CSMD2: variants seen among roughly 807,000 people sequenced by gnomAD.
CSMD2 encodes the protein CUB and sushi domain-containing protein 2.
In CSMD2, 130 loss-of-function variants were observed where a neutral mutation model predicts 398.5. The observed-to-expected ratio is 0.33, with a 90% confidence interval of 0.28 to 0.38. The LOEUF is 0.38. Ranked by LOEUF, CSMD2 falls within the 10% of genes least tolerant of loss-of-function variation. The pLI is 1.00. For missense variants in CSMD2, 3,829 were observed against 4,764.9 expected, an observed-to-expected ratio of 0.80 and a Z score of 5.78; for synonymous variants, 1,828 against 1,908.5, an observed-to-expected ratio of 0.96 and a Z score of 1.10.
intron 22 of CSMD2, among the ~76,000 whole-genome samples, chr1:33,701,913 G>A (rs906159946): frequency 1.3e-5 from 2 of 152,192 alleles, no homozygotes; most frequent in Admixed American, 6.5e-5. Context: ...ATCAATTGCA[G>A]TAAGAAAGAC....
At chr1:33,917,024 C>A (rs1020339665) in intron 5 of CSMD2, among the ~76,000 whole-genome samples, 2 of 152,162 alleles carry the variant, frequency 1.3e-5, no homozygotes, top group African/African-American at 4.8e-5. Flanking sequence ...CACCCACTTT[C>A]TGCTCCGCTC....
chr1:33,983,594 T>C (rs1388306312), intron 3 of CSMD2, among the ~76,000 whole-genome samples: 1 of 152,148 alleles, frequency 6.6e-6, no homozygotes, highest in Admixed American at 6.5e-5. Context: ...AGCAGAAGGA[T>C]GTCTCGGTGG....
intron 2 of CSMD2, among the ~76,000 whole-genome samples, chr1:34,046,095 G>A (rs1652489670): frequency 6.6e-6 from 1 of 152,220 alleles, no homozygotes; most frequent in African/African-American, 2.4e-5. Flanking sequence ...CAATTTCAGT[G>A]TAAAGCTACC....
At chr1:33,574,801 A>G (rs1420575901) in intron 49 of CSMD2, among the ~76,000 whole-genome samples, 1 of 152,244 alleles carries the variant, frequency 6.6e-6, no homozygotes, top group Non-Finnish European at 1.5e-5. Context: ...CTTAATGACT[A>G]ATCAGAAAGG....
chr1:34,095,914 G>A (rs536124089), intron 1 of CSMD2, among the ~76,000 whole-genome samples: 1,784 of 152,016 alleles, frequency 0.012, 32 homozygotes, highest in African/African-American at 0.039. Flanking sequence ...ATTTTATGAG[G>A]CCAGCATCAT....
At chr1:33,932,481 G>T (rs1570548250) in intron 4 of CSMD2, among the ~76,000 whole-genome samples, 2 of 152,282 alleles carry the variant, frequency 1.3e-5, no homozygotes, top group Admixed American at 1.3e-4. Flanking sequence ...AGAGAGTCGT[G>T]CCACCAAAAG....
intron 3 of CSMD2, among the ~76,000 whole-genome samples, chr1:34,031,679 C>T (rs1650444989): frequency 7.0e-6 from 1 of 142,630 alleles, no homozygotes. Context: ...CTGGCCAAGA[C>T]AGGGAGTGTC....
chr1:33,730,411 C>A (rs780452588), intron 15 of CSMD2, among the ~76,000 whole-genome samples: 1 of 152,042 alleles, frequency 6.6e-6, no homozygotes, highest in Non-Finnish European at 1.5e-5. Context: ...AGCTTTGGAA[C>A]TATGTAAATA....
intron 1 of CSMD2, among the ~76,000 whole-genome samples, chr1:34,159,955 C>G (rs1409443125): frequency 1.3e-5 from 2 of 152,192 alleles, no homozygotes; most frequent in African/African-American, 2.4e-5. Flanking sequence ...AATTACTTGT[C>G]CTTTTTACAG....
intron 5 of CSMD2, chr1:33,870,885 T>G (rs1170181058): frequency 6.6e-6 from 1 of 152,212 alleles, no homozygotes; most frequent in African/African-American, 2.4e-5. Flanking sequence ...ACTGACATGC[T>G]GAAAGCTGCC....
intron 47 of CSMD2, 136 bp from the exon 48 acceptor site, chr1:33,581,035 GCATCCACAGGCATTGCTCAAGGTGCT>G: frequency 1.3e-6 from 1 of 760,532 alleles, no homozygotes; most frequent in South Asian, 1.9e-5. Context: ...TCCTCTCTCT[GCATCCACAGGCATTGCTCAAGGTGCT>G]CTTTTCTCCT....
intron 5 of CSMD2, among the ~76,000 whole-genome samples, chr1:33,907,285 ATT>A (rs565058113): frequency 5.0e-5 from 7 of 140,922 alleles, no homozygotes; most frequent in Admixed American, 7.1e-5. Context: ...CGCCCAGCTA[ATT>A]TTTTTTTTTT....
chr1:33,709,781 G>GC (rs1645923985), intron 21 of CSMD2, among the ~76,000 whole-genome samples: 1 of 152,068 alleles, frequency 6.6e-6, no homozygotes, highest in Admixed American at 6.6e-5. Context: ...GTCATTAGTC[G>GC]CAACAGCCAG....
intron 15 of CSMD2, among the ~76,000 whole-genome samples, chr1:33,730,413 A>C (rs1376790134): frequency 6.6e-6 from 1 of 152,228 alleles, no homozygotes; most frequent in Admixed American, 6.5e-5. Context: ...CTTTGGAACT[A>C]TGTAAATATT....
Position 33,863,848 on chromosome 1 carries a change from A to T in CSMD2, c.921-16852T>A, listed in dbSNP as rs376191383. Reference sequence around the variant, plus strand: ...CCACTGCCTCCAGGAAGCCAAGGAGAATTATTTCTGGGGGACATAGCTGCC... The same window carrying T: ...CCACTGCCTCCAGGAAGCCAAGGAGTATTATTTCTGGGGGACATAGCTGCC... On this transcript the variant is annotated intron_variant, in intron 5 of 70. Transcript: ENST00000373381. The T allele has an allele frequency of 4.6e-4, 93 of 200,538 alleles. 1 individual carries two copies. Among genetic ancestry groups the T allele is most frequent in the Middle Eastern group, 4.1e-3 (2 of 484 alleles). 12.4% of individuals were successfully genotyped at this position (200,538 alleles called of 1,614,324 possible). A position where few individuals can be genotyped will look rare whatever the true frequency, so the allele number is the denominator to read the frequency against.
intron 5 of CSMD2, among the ~76,000 whole-genome samples, chr1:33,908,007 A>C (rs1643209481): frequency 1.3e-5 from 2 of 149,354 alleles, no homozygotes. Flanking sequence ...GAATCACTTG[A>C]ACCTGGGAGG....
At chr1:33,913,166 A>G (rs964212950) in intron 5 of CSMD2, among the ~76,000 whole-genome samples, 2 of 152,240 alleles carry the variant, frequency 1.3e-5, no homozygotes, top group African/African-American at 4.8e-5. Flanking sequence ...ATCCAGGAAC[A>G]GAAGTGATGC....
intron 5 of CSMD2, among the ~76,000 whole-genome samples, chr1:33,908,159 A>G (rs559865078): frequency 3.3e-5 from 5 of 152,260 alleles, no homozygotes; most frequent in African/African-American, 9.6e-5. Flanking sequence ...TGAAGACTTA[A>G]GTCAGTCTTG....
chr1:33,624,470 CT>C lies in CSMD2; in HGVS notation c.5625+48del. On this transcript the variant is annotated intron_variant, in intron 35 of 70. Coordinates refer to ENST00000373381, the MANE Select transcript of CSMD2 (RefSeq NM_001281956.2). This position sits in a 1 kb window ranked among gnomAD's most constrained non-coding sequence, Gnocchi z 4.7. ...GTGGTTGTCACCTGTGAGCTGTTAC[CT>C]GGGAGCAGACGGCCACCTGCCCGAC... The C allele has an allele frequency of 6.2e-7, 1 of 1,603,994 alleles. No homozygotes were observed. The highest frequency in any genetic ancestry group is 8.5e-7 in the Non-Finnish European group (1 of 1,174,752).
Sources: allele counts gnomAD v4.1 joint callset (sites outside exome capture counted in the v4.1 genomes callset), GRCh38; gene constraint gnomAD v4.1.1; non-coding constraint Gnocchi (gnomAD v3.1); transcripts MANE v1.5; gene names NCBI Gene and HGNC (gene_info 2026-07-23, HGNC 2026-07-21).